Variants in FAM184B observed in about 807,000 individuals in gnomAD.
FAM184B encodes family with sequence similarity 184 member B.
A neutral mutation model predicts 135.9 loss-of-function variants in FAM184B; 111 were observed. The observed-to-expected ratio is 0.82, with a 90% confidence interval of 0.70 to 0.96. FAM184B has a LOEUF of 0.96. Among genes scored for constraint, FAM184B ranks in the 40% least tolerant of loss-of-function variants. The pLI, the probability that FAM184B is intolerant of heterozygous loss-of-function variation, is 0.00. For synonymous variants in FAM184B, 552 were observed against 524.8 expected, an observed-to-expected ratio of 1.05 and a Z score of -0.71; for missense variants, 1,375 against 1,323.9, an observed-to-expected ratio of 1.04 and a Z score of -0.60.
At chr4:17,689,178 G>C (rs1716665719) in intron 6 of FAM184B, among the ~76,000 whole-genome samples, 1 of 152,118 alleles carries the variant, frequency 6.6e-6, no homozygotes, top group Admixed American at 6.5e-5. Flanking sequence ...AAACAAAAAA[G>C]TTAATTGGTA....
intron 14 of FAM184B, among the ~76,000 whole-genome samples, chr4:17,637,028 C>CT (rs966128863): frequency 1.3e-4 from 19 of 151,960 alleles, no homozygotes; most frequent in East Asian, 3.9e-4. Context: ...TACCTATGGC[C>CT]TTTTTTTTCT....
intron 7 of FAM184B, among the ~76,000 whole-genome samples, chr4:17,668,472 TCTC>T (rs1193079543): frequency 1.3e-5 from 2 of 152,196 alleles, no homozygotes; most frequent in Non-Finnish European, 2.9e-5. Flanking sequence ...AATTATACCT[TCTC>T]CTCTTGAAGT....
intron 1 of FAM184B, among the ~76,000 whole-genome samples, chr4:17,733,642 AAGG>A (rs1387983868): frequency 2.6e-5 from 4 of 152,220 alleles, no homozygotes; most frequent in African/African-American, 9.6e-5. Context: ...GGACCTCTTC[AAGG>A]AGAACTACAA....
At position 17,642,159 on chromosome 4, in the gene FAM184B, C is replaced by A; in HGVS notation, c.2416G>T (p.Gly806Trp). ...AGCTGCGCGTTCTCCTCCCAGAGCC[C>A]GCATCCCTCGCCGGAACCCTGCCCA... ...AAGQGSGEGC[G>W]LWEENAQLQD... The change falls in exon 13 of 18, where the codon GGG becomes TGG. Residue 806 changes from glycine (G) to tryptophan (W), a missense_variant. Coordinates refer to ENST00000265018, the MANE Select transcript of FAM184B (RefSeq NM_015688.2). The A allele has an allele frequency of 6.5e-7, 1 of 1,533,254 alleles. No homozygotes were observed. The highest frequency in any genetic ancestry group is 8.7e-7 in the Non-Finnish European group (1 of 1,145,452). The allele number at this position is 1,533,254 out of a possible 1,614,324, so 95.0% of individuals were successfully genotyped here.
In FAM184B at chr4:17,781,138, G is replaced by A; in HGVS notation, c.141+21C>T. ...GGCGCCCCGGGCGTGCAGCTCGCTGGCCCGCTGCGCCCCACCTTACCTTGG... is the reference window on the plus strand; with the variant it reads ...GGCGCCCCGGGCGTGCAGCTCGCTGACCCGCTGCGCCCCACCTTACCTTGG... On this transcript the variant is annotated intron_variant, in intron 1 of 17. Coordinates refer to ENST00000265018, the MANE Select transcript of FAM184B (RefSeq NM_015688.2). This position sits in a 1 kb window ranked among gnomAD's most constrained non-coding sequence, Gnocchi z 6.5. 1.3e-6 allele frequency: 2 copies of A among 1,507,674 alleles called. No homozygotes were observed. Among genetic ancestry groups the A allele is most frequent in the Non-Finnish European group, 1.8e-6 (2 of 1,124,792 alleles). 93.4% of individuals were successfully genotyped at this position (1,507,674 alleles called of 1,614,324 possible).
At chr4:17,720,871 A>G (rs1717506565) in intron 1 of FAM184B, among the ~76,000 whole-genome samples, 1 of 133,832 alleles carries the variant, frequency 7.5e-6, no homozygotes, top group Non-Finnish European at 1.6e-5. Context: ...GGTGACAGAG[A>G]AAGACTTCAT....
rs188057557 is a variant in FAM184B at position 17,637,684 on chromosome 4, T to C, written c.2667-1039A>G. ...TTTGTATTGGAGACTGGAGAAGTTT[T>C]TAAGAGCTCAGGCTAAAGGTCAGAC... On this transcript the variant is annotated intron_variant, in intron 14 of 17. Coordinates refer to ENST00000265018, the MANE Select transcript of FAM184B (RefSeq NM_015688.2). Among the ~76,000 whole-genome samples the C allele has an allele frequency of 6.6e-4, 101 of 152,332 alleles. No individual in the cohort carries two copies. The East Asian group carries it at 9.1e-3, about 14-fold the overall frequency.
At chr4:17,683,838 G>C (rs1417448268) in intron 7 of FAM184B, among the ~76,000 whole-genome samples, 1 of 152,088 alleles carries the variant, frequency 6.6e-6, no homozygotes, top group Non-Finnish European at 1.5e-5. Flanking sequence ...CACTTTGGGA[G>C]GTGGAGGTGG....
chr4:17,770,702 G>A (rs1396959600), intron 1 of FAM184B, among the ~76,000 whole-genome samples: 3 of 152,128 alleles, frequency 2.0e-5, no homozygotes, highest in African/African-American at 7.2e-5. Flanking sequence ...CTGACCTCAG[G>A]TGATCTGCCT....
chr4:17,695,781 C>T lies in FAM184B; in HGVS notation c.1378-2369G>A, dbSNP rs1327301290. Among the ~76,000 whole-genome samples, 5 of 152,246 alleles carry T rather than the reference C, an allele frequency of 3.3e-5. No individual in the cohort carries two copies. In the East Asian group the frequency reaches 7.7e-4, roughly 24 times the overall value. ...TTGTCTGCATGTGTCAAGCTTGATACATCTGTTAGATGTCTAATTAGATAG... is the reference window on the plus strand; with the variant it reads ...TTGTCTGCATGTGTCAAGCTTGATATATCTGTTAGATGTCTAATTAGATAG... On this transcript the variant is annotated intron_variant, in intron 5 of 17. Coordinates refer to ENST00000265018, the MANE Select transcript of FAM184B (RefSeq NM_015688.2).
chr4:17,631,706 G>T lies in FAM184B; in HGVS notation c.*826C>A, dbSNP rs1224574601. The stretch of plus-strand genomic sequence containing the variant: ...GCTGCTTGTCTTAGACCAAGGAAGT[G>T]AAAGTATTCAGTCCAAGCATGCTAC... On this transcript the variant is annotated 3_prime_UTR_variant, in exon 18 of 18. Transcript: ENST00000265018. The T allele has an allele frequency of 6.6e-6, 1 of 152,204 alleles. No individual in the cohort carries two copies. Among genetic ancestry groups the T allele is most frequent in the Non-Finnish European group, 1.5e-5 (1 of 68,042 alleles). 9.4% of individuals were successfully genotyped at this position (152,204 alleles called of 1,614,324 possible).
At chr4:17,762,390 C>T (rs1331285465) in intron 1 of FAM184B, among the ~76,000 whole-genome samples, 1 of 152,206 alleles carries the variant, frequency 6.6e-6, no homozygotes, top group Non-Finnish European at 1.5e-5. Context: ...AGTGGTCGAG[C>T]TGATCTAGGC....
intron 7 of FAM184B, among the ~76,000 whole-genome samples, chr4:17,668,707 A>AT (rs1442225009): frequency 2.6e-5 from 4 of 151,740 alleles, no homozygotes; most frequent in African/African-American, 7.3e-5. Context: ...TAATTTTTTT[A>AT]TTTTTTTGAG....
chr4:17,726,553 G>A (rs1440735137), intron 1 of FAM184B, among the ~76,000 whole-genome samples: 1 of 152,036 alleles, frequency 6.6e-6, no homozygotes, highest in East Asian at 1.9e-4. Flanking sequence ...TGTATTTTTA[G>A]TAGAGACGGG....
At position 17,630,527 on chromosome 4, in the gene FAM184B, G is replaced by C. The variant is rs965223318; in HGVS notation, c.*2005C>G. The C allele has an allele frequency of 2.6e-5, 4 of 152,178 alleles. No homozygotes were observed. Among genetic ancestry groups the C allele is most frequent in the Non-Finnish European group, 5.9e-5 (4 of 68,030 alleles). 9.4% of individuals were successfully genotyped at this position (152,178 alleles called of 1,614,324 possible). A position where few individuals can be genotyped will look rare whatever the true frequency, so the allele number is the denominator to read the frequency against. ...CCTTGATCTTGGACTTAGCCTCTAG[G>C]ACTGTGAGTGACATATTTCTATTGT... On this transcript the variant is annotated 3_prime_UTR_variant, in exon 18 of 18. Coordinates refer to ENST00000265018, the MANE Select transcript of FAM184B (RefSeq NM_015688.2).
chr4:17,684,255 TATCA>T (rs1170377446), intron 7 of FAM184B, among the ~76,000 whole-genome samples: 3 of 149,272 alleles, frequency 2.0e-5, no homozygotes, highest in Non-Finnish European at 4.4e-5. Flanking sequence ...GAGAGTATCC[TATCA>T]TTTATAGAAA....
intron 1 of FAM184B, among the ~76,000 whole-genome samples, chr4:17,772,439 C>T (rs969271696): frequency 3.9e-5 from 6 of 152,106 alleles, no homozygotes; most frequent in Admixed American, 2.0e-4. Context: ...GTGCAGGAAG[C>T]GGTGACTTTT....
chr4:17,725,091 C>T (rs780722017), intron 1 of FAM184B, among the ~76,000 whole-genome samples: 2 of 152,144 alleles, frequency 1.3e-5, no homozygotes, highest in Non-Finnish European at 2.9e-5. Context: ...AGGGTCATGA[C>T]TTCGTCACCT....
chr4:17,661,728 C>G (rs767539599), intron 8 of FAM184B, among the ~76,000 whole-genome samples: 1 of 152,060 alleles, frequency 6.6e-6, no homozygotes, highest in Non-Finnish European at 1.5e-5. Context: ...TGAAACCAGC[C>G]CAAGGGTTAG....
Sources: gnomAD v4.1 joint callset for allele counts (sites outside exome capture counted in the v4.1 genomes callset) on GRCh38, gnomAD v4.1.1 for gene constraint, Gnocchi (gnomAD v3.1) non-coding constraint, MANE v1.5 for transcripts, NCBI Gene and HGNC (gene_info 2026-07-23, HGNC 2026-07-21) for gene names.